ADAMTSL1: variants seen among roughly 807,000 people sequenced by gnomAD.
ADAMTSL1 encodes ADAMTS like 1, also known as ADAMTS-like protein 1.
In ADAMTSL1, 126 loss-of-function variants were observed where a neutral mutation model predicts 201.8. The ratio of observed to expected loss-of-function variants is 0.62; its 90% CI spans 0.54 to 0.72. The LOEUF is 0.72. Ranked by LOEUF, ADAMTSL1 falls within the 30% of genes least tolerant of loss-of-function variation. The probability of loss-of-function intolerance (pLI) is 0.00; values close to 1 mark genes in which losing one functional copy is unlikely to be tolerated. For synonymous variants in ADAMTSL1, 1,121 were observed against 903.4 expected (o/e 1.24, Z -4.32); for missense variants, 2,679 against 2,277.8 (o/e 1.18, Z -3.59).
intron 1 of ADAMTSL1, among the ~76,000 whole-genome samples, chr9:17,930,713 G>C (rs1055416830): frequency 6.6e-6 from 1 of 152,236 alleles, no homozygotes; most frequent in Non-Finnish European, 1.5e-5. Context: ...TGTTTGTGGA[G>C]AAGTTTTTGC....
chr9:18,109,876 A>G (rs536226024), intron 1 of ADAMTSL1, among the ~76,000 whole-genome samples: 1 of 152,268 alleles, frequency 6.6e-6, no homozygotes, highest in South Asian at 2.1e-4. Context: ...TATAAAACCA[A>G]AGAGAGCAGA....
chr9:18,478,406 C>T (rs543934692), intron 1 of ADAMTSL1, among the ~76,000 whole-genome samples: 8 of 152,150 alleles, frequency 5.3e-5, no homozygotes, highest in African/African-American at 1.7e-4. Context: ...CTGCTTTTCC[C>T]GAAGCACCTA....
In ADAMTSL1 at chr9:18,406,518, A is replaced by G. The variant is rs566641205; in HGVS notation, c.208-98311A>G. 1.1e-3 allele frequency among the ~76,000 whole-genome samples: 161 copies of G among 151,970 alleles called. 1 individual carries two copies. The highest frequency in any genetic ancestry group is 3.8e-3 in the African/African-American group (156 of 41,450). ...TAATTTTTTTGTATTTTTCGTAGAG[A>G]CAGGGTTTCACCATGTTGGCCAGGG... On this transcript the variant is annotated intron_variant, in intron 2 of 29. Transcript: ENST00000680146.
At chr9:18,339,781 C>T (rs1390826100) in intron 2 of ADAMTSL1, among the ~76,000 whole-genome samples, 1 of 152,100 alleles carries the variant, frequency 6.6e-6, no homozygotes, top group Non-Finnish European at 1.5e-5. Flanking sequence ...CTAGTATCTG[C>T]TGGCTCCTTC....
At chr9:17,964,631 A>G (rs1445697558) in intron 1 of ADAMTSL1, among the ~76,000 whole-genome samples, 2 of 152,188 alleles carry the variant, frequency 1.3e-5, no homozygotes, top group African/African-American at 4.8e-5. Flanking sequence ...TGAATAAGAT[A>G]GGTGGATGAT....
chr9:18,562,309 T>G (rs199923171), intron 3 of ADAMTSL1, among the ~76,000 whole-genome samples: 2 of 152,198 alleles, frequency 1.3e-5, no homozygotes, highest in African/African-American at 2.4e-5. Flanking sequence ...ATGAAATTCT[T>G]GGTTGAAAAT....
intron 1 of ADAMTSL1, among the ~76,000 whole-genome samples, chr9:18,147,742 G>T (rs923768674): frequency 6.6e-6 from 1 of 152,076 alleles, no homozygotes; most frequent in Non-Finnish European, 1.5e-5. Context: ...TTATCTAGAG[G>T]CTGTTCCATT....
chr9:18,485,198 C>T (rs1203451171), intron 1 of ADAMTSL1, among the ~76,000 whole-genome samples: 5 of 152,070 alleles, frequency 3.3e-5, no homozygotes, highest in African/African-American at 1.2e-4. Context: ...CGAACCGAGG[C>T]AGAGTTCATT....
intron 1 of ADAMTSL1, among the ~76,000 whole-genome samples, chr9:18,129,866 C>G (rs1044329467): frequency 1.3e-5 from 2 of 152,112 alleles, no homozygotes; most frequent in Non-Finnish European, 2.9e-5. Flanking sequence ...TTCCCTTGTT[C>G]CCCAGGGAAA....
At chr9:18,632,170 C>T (rs1029904579) in intron 5 of ADAMTSL1, among the ~76,000 whole-genome samples, 1 of 152,220 alleles carries the variant, frequency 6.6e-6, no homozygotes, top group Non-Finnish European at 1.5e-5. Context: ...TTAAACACCA[C>T]TCTGTGCACA....
chr9:18,827,722 A>G (rs181651394), intron 22 of ADAMTSL1, among the ~76,000 whole-genome samples: 82 of 152,342 alleles, frequency 5.4e-4, no homozygotes, highest in African/African-American at 1.4e-3. Flanking sequence ...GGCTTTGCCA[A>G]TGAAGTGTGT....
intron 7 of ADAMTSL1, among the ~76,000 whole-genome samples, chr9:18,644,846 A>T (rs1355230071): frequency 2.0e-5 from 3 of 152,076 alleles, no homozygotes; most frequent in African/African-American, 7.3e-5. Flanking sequence ...CACAATAAAC[A>T]TACGTGTGCA....
intron 14 of ADAMTSL1, among the ~76,000 whole-genome samples, chr9:18,715,552 G>A (rs1311896485): frequency 6.6e-6 from 1 of 151,706 alleles, no homozygotes; most frequent in African/African-American, 2.4e-5. Flanking sequence ...CCTCTTCAAA[G>A]AGAACTACAA....
intron 2 of ADAMTSL1, among the ~76,000 whole-genome samples, chr9:18,411,008 G>A (rs2133311945): frequency 6.7e-6 from 1 of 148,830 alleles, no homozygotes; most frequent in Admixed American, 6.7e-5. Flanking sequence ...CGCCTGGCTA[G>A]TTGTTTTTTT....
chr9:18,192,894 C>T (rs1210352909), intron 2 of ADAMTSL1, among the ~76,000 whole-genome samples: 2 of 152,080 alleles, frequency 1.3e-5, no homozygotes, highest in Admixed American at 6.6e-5. Context: ...CTGTATGAAA[C>T]ATATACTTTA....
chr9:18,869,315 A>C (rs1827740511), intron 23 of ADAMTSL1, among the ~76,000 whole-genome samples: 1 of 152,242 alleles, frequency 6.6e-6, no homozygotes, highest in African/African-American at 2.4e-5. Context: ...GTGGTACTTT[A>C]TTATGGCAAC....
chr9:18,238,424 G>A (rs967691982), intron 2 of ADAMTSL1, among the ~76,000 whole-genome samples: 2 of 152,140 alleles, frequency 1.3e-5, no homozygotes, highest in Non-Finnish European at 2.9e-5. Flanking sequence ...CAGAGTTGTA[G>A]GGGAAGGAGC....
intron 1 of ADAMTSL1, among the ~76,000 whole-genome samples, chr9:17,939,631 G>T (rs964992770): frequency 1.3e-5 from 2 of 152,000 alleles, no homozygotes; most frequent in African/African-American, 2.4e-5. Context: ...GAATCTTGCT[G>T]GGATTTTAAT....
At chr9:18,169,649 C>A (rs998304548) in intron 2 of ADAMTSL1, among the ~76,000 whole-genome samples, 5 of 151,984 alleles carry the variant, frequency 3.3e-5, no homozygotes, top group Non-Finnish European at 4.4e-5. Context: ...GTAGTTTTTT[C>A]CAATTCTGTG....
Sources: gnomAD v4.1 joint callset for allele counts (sites outside exome capture counted in the v4.1 genomes callset) on GRCh38, gnomAD v4.1.1 for gene constraint, MANE v1.5 for transcripts, NCBI Gene and HGNC (gene_info 2026-07-23, HGNC 2026-07-21) for gene names.